DPYD: variants seen among roughly 807,000 people sequenced by gnomAD.
The protein encoded by DPYD is dihydropyrimidine dehydrogenase [NADP(+)].
In DPYD, 109 loss-of-function variants were observed where a neutral mutation model predicts 116.2. The ratio of observed to expected loss-of-function variants is 0.94; its 90% CI spans 0.80 to 1.10. The LOEUF (loss-of-function observed/expected upper bound fraction) is 1.10. Among genes scored for constraint, DPYD ranks in the 50% least tolerant of loss-of-function variants. DPYD has a pLI of 0.00. For synonymous variants in DPYD, 440 were observed against 432.0 expected (o/e 1.02, Z -0.23); for missense variants, 1,302 against 1,254.5 (o/e 1.04, Z -0.57).
chr1:97,411,188 T>C (rs1012058228), intron 14 of DPYD, among the ~76,000 whole-genome samples: 1 of 152,188 alleles, frequency 6.6e-6, no homozygotes, highest in African/African-American at 2.4e-5. Flanking sequence ...ACTTCAATAA[T>C]ACTCATCCTC....
At chr1:97,220,309 C>T (rs1660697844) in intron 19 of DPYD, among the ~76,000 whole-genome samples, 1 of 152,196 alleles carries the variant, frequency 6.6e-6, no homozygotes, top group Non-Finnish European at 1.5e-5. Flanking sequence ...TGTCCTGCCC[C>T]ACCTCAGGAC....
At chr1:97,397,848 T>C (rs1201064455) in intron 14 of DPYD, among the ~76,000 whole-genome samples, 1 of 152,068 alleles carries the variant, frequency 6.6e-6, no homozygotes, top group Admixed American at 6.6e-5. Flanking sequence ...TGTGGAAATA[T>C]AAGTTTTCAA....
intron 21 of DPYD, among the ~76,000 whole-genome samples, chr1:97,086,242 C>T (rs923546783): frequency 3.9e-5 from 6 of 151,930 alleles, no homozygotes; most frequent in Non-Finnish European, 7.4e-5. Flanking sequence ...TTAGTAGAGC[C>T]GGGTTTCACC....
intron 19 of DPYD, among the ~76,000 whole-genome samples, chr1:97,217,849 A>G (rs1183474766): frequency 6.6e-6 from 1 of 152,170 alleles, no homozygotes; most frequent in South Asian, 2.1e-4. Context: ...GGGTGGCTGG[A>G]GCAGGAGGGA....
At chr1:97,421,840 A>C (rs1674602488) in intron 14 of DPYD, among the ~76,000 whole-genome samples, 1 of 152,290 alleles carries the variant, frequency 6.6e-6, no homozygotes, top group African/African-American at 2.4e-5. Flanking sequence ...GAGCATTAGG[A>C]AGAATGTTTC....
intron 2 of DPYD, among the ~76,000 whole-genome samples, chr1:97,859,047 G>C (rs922114054): frequency 6.6e-6 from 1 of 151,854 alleles, no homozygotes; most frequent in Non-Finnish European, 1.5e-5. Context: ...GGTAATTTTT[G>C]ATAATTTCCC....
chr1:97,426,974 T>C lies in DPYD; in HGVS notation c.1905+23085A>G, dbSNP rs527995046. 5.9e-5 allele frequency among the ~76,000 whole-genome samples: 9 copies of C among 152,222 alleles called. No individual in the cohort carries two copies. In the South Asian group the frequency reaches 1.2e-3, roughly 21 times the overall value. On this transcript the variant is annotated intron_variant, in intron 14 of 22. Coordinates refer to ENST00000370192, the MANE Select transcript of DPYD (RefSeq NM_000110.4). ...TATCTGATGTCTCTGCAAATTTCTA[T>C]GGCATAAGAGATTTAAGATTCAGAG...
At chr1:97,303,216 A>G (rs985050812) in intron 18 of DPYD, among the ~76,000 whole-genome samples, 7 of 152,046 alleles carry the variant, frequency 4.6e-5, no homozygotes, top group African/African-American at 1.7e-4. Flanking sequence ...AAAAGTATGT[A>G]TTGTGTTCAG....
At position 97,306,287 on chromosome 1, in the gene DPYD, A is replaced by C; in HGVS notation, c.2069T>G (p.Leu690Arg). The change falls in exon 17 of 23, where the codon CTG becomes CGG. Residue 690 changes from leucine (L) to arginine (R), a missense_variant. Physicochemically the swap from Leu to Arg is moderately radical, Grantham distance 102 (BLOSUM62 -2). Transcript: ENST00000370192. ...MGLACGQDPE[L>R]VRNICRWVRQ... is the part of the protein sequence containing the mutation. ...AACCCAGCGGCAGATGTTCCGCACC[A>C]GCTCTGGATCCTGTTCAAATAGGTC... The C allele has an allele frequency of 6.2e-7, 1 of 1,612,330 alleles. No individual in the cohort carries two copies. Among genetic ancestry groups the C allele is most frequent in the Non-Finnish European group, 8.5e-7 (1 of 1,178,766 alleles).
chr1:97,909,927 A>C (rs942936881), intron 1 of DPYD, among the ~76,000 whole-genome samples: 5 of 152,044 alleles, frequency 3.3e-5, no homozygotes, highest in Admixed American at 6.6e-5. Flanking sequence ...TACATATTAA[A>C]TTTGTGTTCC....
intron 18 of DPYD, among the ~76,000 whole-genome samples, chr1:97,289,811 C>A (rs1666006452): frequency 6.6e-6 from 1 of 150,968 alleles, no homozygotes; most frequent in Non-Finnish European, 1.5e-5. Context: ...CACTCCTATT[C>A]AACATAGTGT....
At chr1:97,363,552 CA>C (rs1670857459) in intron 16 of DPYD, among the ~76,000 whole-genome samples, 1 of 152,018 alleles carries the variant, frequency 6.6e-6, no homozygotes, top group Non-Finnish European at 1.5e-5. Flanking sequence ...GGAAGCAGCC[CA>C]AAGGTCCATC....
At chr1:97,341,951 A>C (rs1057509920) in intron 16 of DPYD, among the ~76,000 whole-genome samples, 1 of 152,184 alleles carries the variant, frequency 6.6e-6, no homozygotes, top group Non-Finnish European at 1.5e-5. Flanking sequence ...TTTTCAGGAG[A>C]ACTGCTTCAC....
intron 2 of DPYD, among the ~76,000 whole-genome samples, chr1:97,881,656 C>G (rs747407196): frequency 3.7e-4 from 57 of 152,008 alleles, no homozygotes; most frequent in Non-Finnish European, 7.2e-4. Flanking sequence ...ATAACAACAA[C>G]AGCAATCAAA....
intron 21 of DPYD, among the ~76,000 whole-genome samples, chr1:97,095,389 G>C (rs563100019): frequency 6.6e-6 from 1 of 151,940 alleles, no homozygotes; most frequent in African/African-American, 2.4e-5. Context: ...TGAGGTCTTG[G>C]AACAACTGTC....
At chr1:97,680,073 T>C (rs987701154) in intron 7 of DPYD, among the ~76,000 whole-genome samples, 5 of 152,064 alleles carry the variant, frequency 3.3e-5, no homozygotes, top group Non-Finnish European at 5.9e-5. Flanking sequence ...TGAAGTCTAG[T>C]TCACAGTGGG....
At chr1:97,916,493 T>C (rs1674219505) in intron 1 of DPYD, among the ~76,000 whole-genome samples, 1 of 152,146 alleles carries the variant, frequency 6.6e-6, no homozygotes, top group Non-Finnish European at 1.5e-5. Context: ...TCCATGTCCC[T>C]ACAAAGGATA....
At chr1:97,176,951 A>T (rs574947437) in intron 20 of DPYD, among the ~76,000 whole-genome samples, 1 of 151,660 alleles carries the variant, frequency 6.6e-6, no homozygotes, top group Non-Finnish European at 1.5e-5. Flanking sequence ...ACACACAGAA[A>T]TATTGTTTAT....
At chr1:97,225,797 T>C (rs1467305583) in intron 19 of DPYD, among the ~76,000 whole-genome samples, 1 of 152,098 alleles carries the variant, frequency 6.6e-6, no homozygotes, top group Non-Finnish European at 1.5e-5. Context: ...CCAAGGCCAA[T>C]GTCTAGGAGC....
Sources: gnomAD v4.1 joint callset for allele counts (sites outside exome capture counted in the v4.1 genomes callset) on GRCh38, gnomAD v4.1.1 for gene constraint, MANE v1.5 for transcripts, NCBI Gene and HGNC (gene_info 2026-07-23, HGNC 2026-07-21) for gene names.